The following DUSP22 variants were observed in gnomAD, a reference collection of about 807,000 sequenced individuals.
DUSP22 encodes dual specificity phosphatase 22.
In DUSP22, 24 loss-of-function variants were observed where a neutral mutation model predicts 24.5. That is an observed-to-expected ratio of 0.98 (90% CI 0.71 to 1.38). The LOEUF is 1.38. Among genes scored for constraint, DUSP22 ranks in the 40% most tolerant of loss-of-function variants. DUSP22 has a pLI of 0.00. For synonymous variants in DUSP22, 160 were observed against 106.4 expected (o/e 1.50, Z -3.10); for missense variants, 330 against 269.2 (o/e 1.23, Z -1.58).
intron 1 of DUSP22, among the ~76,000 whole-genome samples, chr6:297,609 T>G (rs370296591): frequency 5.3e-3 from 810 of 152,130 alleles, no homozygotes; most frequent in African/African-American, 0.019. Context: ...CCTCCCCACC[T>G]GTGACAACCA....
At chr6:340,814 G>A (rs1482903194) in intron 4 of DUSP22, among the ~76,000 whole-genome samples, 1 of 152,306 alleles carries the variant, frequency 6.6e-6, no homozygotes, top group Non-Finnish European at 1.5e-5. Context: ...CTTTTGAGCA[G>A]GACAGGACCA....
chr6:334,570 C>T (rs1581181217), intron 3 of DUSP22, among the ~76,000 whole-genome samples: 1 of 152,274 alleles, frequency 6.6e-6, no homozygotes, highest in African/African-American at 2.4e-5. Context: ...CTTTATTGTC[C>T]TGAAAAGCAA....
intron 3 of DUSP22, among the ~76,000 whole-genome samples, chr6:315,907 T>C (rs1758318320): frequency 6.6e-6 from 1 of 152,310 alleles, no homozygotes; most frequent in Admixed American, 6.5e-5. Context: ...TTATAAATAT[T>C]GGTGACAGTG....
intron 4 of DUSP22, among the ~76,000 whole-genome samples, chr6:339,375 A>C (rs1012094613): frequency 6.6e-6 from 1 of 152,310 alleles, no homozygotes; most frequent in Non-Finnish European, 1.5e-5. Context: ...TTTTATGAAC[A>C]CTAGGCATTT....
At chr6:341,046 G>A (rs564913452) in intron 4 of DUSP22, among the ~76,000 whole-genome samples, 217 of 152,376 alleles carry the variant, frequency 1.4e-3, no homozygotes, top group Non-Finnish European at 1.1e-3. Context: ...GGTCTGTGAC[G>A]AGGGAGGGAG....
chr6:324,780 G>A (rs1758775523), intron 3 of DUSP22, among the ~76,000 whole-genome samples: 2 of 152,306 alleles, frequency 1.3e-5, no homozygotes, highest in Non-Finnish European at 2.9e-5. Context: ...CCTAGATGCT[G>A]CAGATTGTGT....
chr6:314,461 C>A (rs1056427769), intron 3 of DUSP22, among the ~76,000 whole-genome samples: 2 of 152,306 alleles, frequency 1.3e-5, no homozygotes, highest in Non-Finnish European at 2.9e-5. Context: ...TGGGTCATTT[C>A]CAACAAACAT....
chr6:310,519 G>T (rs1298705555), intron 2 of DUSP22, among the ~76,000 whole-genome samples: 1 of 152,304 alleles, frequency 6.6e-6, no homozygotes, highest in Non-Finnish European at 1.5e-5. Context: ...CTGATAGACA[G>T]TTCTGTTTGG....
intron 3 of DUSP22, among the ~76,000 whole-genome samples, chr6:322,419 A>T (rs556279262): frequency 6.6e-6 from 1 of 152,418 alleles, no homozygotes; most frequent in Admixed American, 6.5e-5. Flanking sequence ...GGGGCGCCTC[A>T]GGGTACTCTG....
chr6:324,995 G>T (rs1180296315), intron 3 of DUSP22, among the ~76,000 whole-genome samples: 1 of 152,310 alleles, frequency 6.6e-6, no homozygotes, highest in Non-Finnish European at 1.5e-5. Context: ...GGAAGGGGAG[G>T]CTGGCTCAGG....
At chr6:309,617 G>T (rs1232183351) in intron 2 of DUSP22, among the ~76,000 whole-genome samples, 1 of 152,246 alleles carries the variant, frequency 6.6e-6, no homozygotes, top group Admixed American at 6.5e-5. Context: ...CCCCAGGGTA[G>T]ATCTTTCTAA....
chr6:331,233 G>A (rs1178343861), intron 3 of DUSP22, among the ~76,000 whole-genome samples: 5 of 152,306 alleles, frequency 3.3e-5, no homozygotes, highest in African/African-American at 9.6e-5. Context: ...TTGGAACATC[G>A]TGGAAAGTGC....
At chr6:333,588 AG>A (rs1396905235) in intron 3 of DUSP22, among the ~76,000 whole-genome samples, 15 of 152,302 alleles carry the variant, frequency 9.8e-5, no homozygotes, top group Non-Finnish European at 1.9e-4. Flanking sequence ...CAGTTTCAGC[AG>A]GAAACAGCTT....
chr6:338,226 G>C (rs1231533826), intron 4 of DUSP22: 1 of 152,368 alleles, frequency 6.6e-6, no homozygotes, highest in Non-Finnish European at 1.5e-5. Context: ...TGTAAATATT[G>C]CTTGCTGTAC....
chr6:298,707 G>A (rs576902138), intron 1 of DUSP22, among the ~76,000 whole-genome samples: 27 of 152,418 alleles, frequency 1.8e-4, no homozygotes, highest in African/African-American at 3.4e-4. Flanking sequence ...AGACGGTCTT[G>A]TAACAGAAAA....
At chr6:296,778 A>T (rs2127388283) in intron 1 of DUSP22, among the ~76,000 whole-genome samples, 1 of 152,426 alleles carries the variant, frequency 6.6e-6, no homozygotes, top group Non-Finnish European at 1.5e-5. Context: ...TATCTTGATC[A>T]GCCTAAAAGT....
rs1016813392 is a variant in DUSP22, at chr6:349,453, G to A, written c.*502G>A. The A allele has an allele frequency of 7.6e-4, 762 of 1,008,070 alleles. 1 individual carries two copies. Among genetic ancestry groups the A allele is most frequent in the Non-Finnish European group, 8.5e-4 (718 of 844,268 alleles). The allele number at this position is 1,008,070 out of a possible 1,614,324, so 62.4% of individuals were successfully genotyped here. A position where few individuals can be genotyped will look rare whatever the true frequency, so the allele number is the denominator to read the frequency against. ...CTCCACATGGAAGGCATTTGAGCTC[G>A]ACCTCCGAAAAGCTACCCAGCAAAG... On this transcript the variant is annotated 3_prime_UTR_variant, in exon 7 of 7. Transcript: ENST00000419235.
In DUSP22 at chr6:350,387, T is replaced by A; in HGVS notation, c.*1436T>A. 1 of 1,089,108 alleles carries A rather than the reference T, an allele frequency of 9.2e-7. No individual in the cohort carries two copies. The highest frequency in any genetic ancestry group is 1.1e-6 in the Non-Finnish European group (1 of 893,072). The allele number at this position is 1,089,108 out of a possible 1,614,324, so 67.5% of individuals were successfully genotyped here. ...ACTCAGATTCCTTAAGCATGCAGAG[T>A]CACTCGAATGAAAAAACATACTCGA... On this transcript the variant is annotated 3_prime_UTR_variant, in exon 7 of 7. Transcript: ENST00000419235.
intron 3 of DUSP22, among the ~76,000 whole-genome samples, chr6:322,292 T>C (rs1263182146): frequency 6.6e-6 from 1 of 152,308 alleles, no homozygotes; most frequent in Non-Finnish European, 1.5e-5. Flanking sequence ...GCAATGGAAT[T>C]CACAGCCTGT....
Sources: allele counts gnomAD v4.1 joint callset (sites outside exome capture counted in the v4.1 genomes callset), GRCh38; gene constraint gnomAD v4.1.1; transcripts MANE v1.5; gene names NCBI Gene and HGNC (gene_info 2026-07-23, HGNC 2026-07-21).